SLCO3A1: variants seen among roughly 807,000 people sequenced by gnomAD.
SLCO3A1 encodes PGE1 transporter.
Under a neutral mutation model 63.1 loss-of-function variants are expected in SLCO3A1, and 27 were observed. The ratio of observed to expected loss-of-function variants is 0.43; its 90% CI spans 0.32 to 0.59. The LOEUF is 0.59. Among genes scored for constraint, SLCO3A1 ranks in the 20% least tolerant of loss-of-function variants. The pLI is 0.09. For synonymous variants in SLCO3A1, 473 were observed against 409.9 expected, an observed-to-expected ratio of 1.15 and a Z score of -1.86; for missense variants, 773 against 945.8, an observed-to-expected ratio of 0.82 and a Z score of 2.40.
chr15:91,860,735 G>A lies in SLCO3A1; in HGVS notation c.180+6647G>A, dbSNP rs1011306182. ...GCAGCCTTGTTTAAAACGTGCCTTC[G>A]CAGAGCTCAGCCTTGGTTGCCCAGA... On this transcript the variant is annotated intron_variant, in intron 1 of 9. Coordinates refer to ENST00000318445, the MANE Select transcript of SLCO3A1 (RefSeq NM_013272.4). The surrounding 1 kb of genome is among the most constrained non-coding windows in gnomAD (Gnocchi z 5.5). 1.3e-5 allele frequency among the ~76,000 whole-genome samples: 2 copies of A among 152,218 alleles called. No individual in the cohort carries two copies. Among genetic ancestry groups the A allele is most frequent in the African/African-American group, 2.4e-5 (1 of 41,456 alleles).
chr15:91,961,686 C>T (rs1230802604), intron 2 of SLCO3A1, among the ~76,000 whole-genome samples: 1 of 152,222 alleles, frequency 6.6e-6, no homozygotes, highest in Non-Finnish European at 1.5e-5. Context: ...TCCCTGAATA[C>T]CCTTCCCCTA....
At chr15:92,155,980 G>C (rs1417566588) in intron 9 of SLCO3A1, among the ~76,000 whole-genome samples, 1 of 152,120 alleles carries the variant, frequency 6.6e-6, no homozygotes, top group East Asian at 1.9e-4. Context: ...CATAGGGAAG[G>C]CCCTCGGGGT....
intron 2 of SLCO3A1, among the ~76,000 whole-genome samples, chr15:92,052,254 A>G (rs2046967210): frequency 1.3e-5 from 2 of 152,284 alleles, no homozygotes; most frequent in Non-Finnish European, 2.9e-5. Flanking sequence ...TGGGGTCAGC[A>G]TTGTATCAAG....
intron 2 of SLCO3A1, among the ~76,000 whole-genome samples, chr15:91,981,100 A>G (rs977464491): frequency 4.6e-5 from 7 of 152,142 alleles, no homozygotes; most frequent in Non-Finnish European, 8.8e-5. Context: ...AGAGTGTGCC[A>G]CATTCCTCAG....
At chr15:92,148,760 A>G (rs1193294568) in intron 8 of SLCO3A1, 1 of 152,230 alleles carries the variant, frequency 6.6e-6, no homozygotes, top group Non-Finnish European at 1.5e-5. Context: ...CTCAATGCAG[A>G]CAAATTTTTA....
At chr15:91,877,344 T>C (rs1025713509) in intron 1 of SLCO3A1, among the ~76,000 whole-genome samples, 9 of 152,230 alleles carry the variant, frequency 5.9e-5, no homozygotes, top group Non-Finnish European at 1.3e-4. Flanking sequence ...AAGATGTTCG[T>C]GTTCTTTGAA....
chr15:92,010,744 C>A (rs75418590), intron 2 of SLCO3A1, among the ~76,000 whole-genome samples: 1 of 152,108 alleles, frequency 6.6e-6, no homozygotes, highest in Non-Finnish European at 1.5e-5. Flanking sequence ...ACCCCTCTGC[C>A]GCATGAAGCC....
rs2048479318 is a variant in SLCO3A1 at position 92,164,767 on chromosome 15, T to A, written c.*1632T>A. The A allele has an allele frequency of 1.0e-6, 1 of 985,354 alleles. No homozygotes were observed. The highest frequency in any genetic ancestry group is 1.2e-6 in the Non-Finnish European group (1 of 829,942). The allele number at this position is 985,354 out of a possible 1,614,324, so 61.0% of individuals were successfully genotyped here. On this transcript the variant is annotated 3_prime_UTR_variant, in exon 10 of 10. Transcript: ENST00000318445. The stretch of plus-strand genomic sequence containing the variant: ...ACCTCAGAGAATGAACCTGTTATGA[T>A]TTGGGGTAAGAATCACGTTGGAAAA...
rs570015568 is a variant in SLCO3A1 at position 92,120,186 on chromosome 15, G to C, written c.1010-279G>C. 1.8e-4 allele frequency among the ~76,000 whole-genome samples: 28 copies of C among 152,062 alleles called. No homozygotes were observed. In the South Asian group the frequency reaches 5.4e-3, roughly 29 times the overall value. ...CATTGCTTTAAAAAAATTTTACTGTGTCTAGTGAACTGTAAGAAAAGTCCT... is the reference window on the plus strand; with the variant it reads ...CATTGCTTTAAAAAAATTTTACTGTCTCTAGTGAACTGTAAGAAAAGTCCT... On this transcript the variant is annotated intron_variant, in intron 4 of 9. Transcript: ENST00000318445.
At chr15:92,070,283 C>T (rs999949736) in intron 2 of SLCO3A1, among the ~76,000 whole-genome samples, 1 of 152,206 alleles carries the variant, frequency 6.6e-6, no homozygotes, top group Non-Finnish European at 1.5e-5. Context: ...ACAATTATTG[C>T]TAAATGTTGG....
chr15:92,104,075 G>A (rs1319710469), intron 3 of SLCO3A1, among the ~76,000 whole-genome samples: 2 of 152,188 alleles, frequency 1.3e-5, no homozygotes, highest in Non-Finnish European at 2.9e-5. Flanking sequence ...AAATTAAGGG[G>A]GGAATGTGAT....
intron 2 of SLCO3A1, among the ~76,000 whole-genome samples, chr15:92,049,912 T>A (rs1213811035): frequency 6.6e-6 from 1 of 152,152 alleles, no homozygotes; most frequent in Non-Finnish European, 1.5e-5. Flanking sequence ...CACAAGTTGC[T>A]CGTGAGCTTT....
rs777397554 is a variant in SLCO3A1 at position 91,854,114 on chromosome 15, C to A, written c.180+26C>A. The A allele has an allele frequency of 2.8e-6, 4 of 1,445,804 alleles. No homozygotes were observed. The South Asian group carries it at 5.6e-5, about 20-fold the overall frequency. The allele number at this position is 1,445,804 out of a possible 1,614,324, so 89.6% of individuals were successfully genotyped here. On this transcript the variant is annotated intron_variant, in intron 1 of 9. Transcript: ENST00000318445. The surrounding 1 kb of genome is among the most constrained non-coding windows in gnomAD (Gnocchi z 6.4). ...GTGAGTCCCCGAGCCAACTCCGCCG[C>A]GGGCCCCTTCCCCAGCCCGGCTCTC...
chr15:92,103,424 C>T (rs977998994), intron 3 of SLCO3A1, among the ~76,000 whole-genome samples: 7 of 152,092 alleles, frequency 4.6e-5, no homozygotes, highest in Non-Finnish European at 1.0e-4. Context: ...GGTACAGTGC[C>T]ACCAAACCAT....
intron 2 of SLCO3A1, among the ~76,000 whole-genome samples, chr15:92,015,473 A>G (rs555502456): frequency 4.9e-4 from 74 of 152,198 alleles, no homozygotes; most frequent in African/African-American, 1.7e-3. Context: ...CCTCACTATC[A>G]CGAGAACAGC....
chr15:92,085,122 A>G (rs2047389849), intron 2 of SLCO3A1, among the ~76,000 whole-genome samples: 1 of 152,228 alleles, frequency 6.6e-6, no homozygotes, highest in African/African-American at 2.4e-5. Context: ...AGAGAGGCTG[A>G]GGGGGCTCCC....
At chr15:92,062,070 T>A (rs2047093438) in intron 2 of SLCO3A1, among the ~76,000 whole-genome samples, 1 of 152,180 alleles carries the variant, frequency 6.6e-6, no homozygotes, top group African/African-American at 2.4e-5. Context: ...CTGGAGGCCT[T>A]GTCAAAACAG....
At chr15:91,910,706 C>G (rs374038078) in intron 1 of SLCO3A1, among the ~76,000 whole-genome samples, 25 of 152,334 alleles carry the variant, frequency 1.6e-4, no homozygotes, top group African/African-American at 6.0e-4. Context: ...CCAGGCTGCT[C>G]TGGTGTAAAC....
intron 2 of SLCO3A1, among the ~76,000 whole-genome samples, chr15:91,920,459 T>C (rs1898806264): frequency 6.6e-6 from 1 of 152,004 alleles, no homozygotes; most frequent in Non-Finnish European, 1.5e-5. Flanking sequence ...GAATGGAGTA[T>C]TGGAGGTAGG....
Sources: gnomAD v4.1 joint callset for allele counts (sites outside exome capture counted in the v4.1 genomes callset) on GRCh38, gnomAD v4.1.1 for gene constraint, Gnocchi (gnomAD v3.1) non-coding constraint, MANE v1.5 for transcripts, NCBI Gene and HGNC (gene_info 2026-07-23, HGNC 2026-07-21) for gene names.